The following IL1R1 variants were observed in gnomAD, a reference collection of about 807,000 sequenced individuals.
The protein encoded by IL1R1 is interleukin 1 receptor type 1.
Under a neutral mutation model 50.2 loss-of-function variants are expected in IL1R1, and 22 were observed. The ratio of observed to expected loss-of-function variants is 0.44; its 90% CI spans 0.31 to 0.63. The LOEUF (loss-of-function observed/expected upper bound fraction) is 0.63, where lower values mean the gene tolerates loss of function less well. IL1R1 is among the 20% of genes least tolerant of loss of function. The pLI is 0.07. For synonymous variants in IL1R1, 251 were observed against 236.7 expected, an observed-to-expected ratio of 1.06 and a Z score of -0.55; for missense variants, 509 against 676.2, an observed-to-expected ratio of 0.75 and a Z score of 2.74.
upstream of IL1R1, among the ~76,000 whole-genome samples, chr2:102,140,193 A>G (rs1577936535): frequency 6.6e-6 from 1 of 152,192 alleles, no homozygotes; most frequent in South Asian, 2.1e-4. Context: ...AACATAAAAT[A>G]CTTCTTCTTT....
chr2:102,169,350 A>G (rs1396173274), intron 7 of IL1R1, among the ~76,000 whole-genome samples: 2 of 152,254 alleles, frequency 1.3e-5, no homozygotes, highest in African/African-American at 4.8e-5. Context: ...GCATGGAGTT[A>G]TGGACATGTA....
upstream of IL1R1, among the ~76,000 whole-genome samples, chr2:102,139,888 TA>T (rs530200681): frequency 3.0e-4 from 45 of 152,212 alleles, no homozygotes; most frequent in South Asian, 9.3e-3. Flanking sequence ...CAGTTTCAGG[TA>T]TTTTTTTATA....
At chr2:102,109,316 T>C (rs1680610013) in intron 1 of IL1R1, among the ~76,000 whole-genome samples, 2 of 152,182 alleles carry the variant, frequency 1.3e-5, no homozygotes, top group South Asian at 4.1e-4. Flanking sequence ...ACATGCACTC[T>C]TCTGGGTTCT....
At chr2:102,116,300 A>G (rs901635504) in intron 1 of IL1R1, among the ~76,000 whole-genome samples, 3 of 152,202 alleles carry the variant, frequency 2.0e-5, no homozygotes, top group African/African-American at 7.2e-5. Context: ...ATAACAGTGA[A>G]CCCTGGAGAT....
At chr2:102,083,642 G>A (rs1049532830) in intron 1 of IL1R1, among the ~76,000 whole-genome samples, 3 of 152,068 alleles carry the variant, frequency 2.0e-5, no homozygotes, top group African/African-American at 4.8e-5. Flanking sequence ...CTGTGCTAAT[G>A]CTTTTTAAAA....
intron 1 of IL1R1, among the ~76,000 whole-genome samples, chr2:102,088,267 T>G (rs1431158177): frequency 2.0e-5 from 3 of 152,248 alleles, no homozygotes; most frequent in Non-Finnish European, 4.4e-5. Flanking sequence ...ATGTATTTCT[T>G]AAATAATAAG....
chr2:102,173,562 T>A (rs906779355), intron 9 of IL1R1, among the ~76,000 whole-genome samples: 17 of 152,188 alleles, frequency 1.1e-4, no homozygotes, highest in Admixed American at 6.5e-4. Flanking sequence ...AAAACCTCTG[T>A]AATACAAACT....
intron 1 of IL1R1, among the ~76,000 whole-genome samples, chr2:102,144,163 A>G (rs556197420): frequency 1.4e-4 from 21 of 152,146 alleles, no homozygotes; most frequent in Non-Finnish European, 2.8e-4. Flanking sequence ...ATCTCATTTG[A>G]TATTTCATTT....
chr2:102,128,281 C>T (rs1681836399), intron 1 of IL1R1, among the ~76,000 whole-genome samples: 1 of 152,152 alleles, frequency 6.6e-6, no homozygotes, highest in African/African-American at 2.4e-5. Flanking sequence ...AATGAAGCTC[C>T]AGTAACATTT....
upstream of IL1R1, among the ~76,000 whole-genome samples, chr2:102,138,358 A>C (rs138992150): frequency 6.6e-5 from 10 of 152,364 alleles, no homozygotes; most frequent in East Asian, 1.7e-3. Context: ...AGCAAGATTC[A>C]AGCTGCAATT....
At chr2:102,131,640 G>A (rs1366913784) in intron 1 of IL1R1, among the ~76,000 whole-genome samples, 1 of 79,786 alleles carries the variant, frequency 1.3e-5, no homozygotes, top group Admixed American at 1.4e-4. Flanking sequence ...CATAACAATA[G>A]AAACTATAAA....
chr2:102,072,596 T>C (rs1285648177), intron 1 of IL1R1, among the ~76,000 whole-genome samples: 2 of 152,230 alleles, frequency 1.3e-5, no homozygotes, highest in African/African-American at 4.8e-5. Context: ...TTTTTGCTTA[T>C]TGCTTTTTGC....
At chr2:102,108,081 T>G (rs1680519903) in intron 1 of IL1R1, among the ~76,000 whole-genome samples, 1 of 152,082 alleles carries the variant, frequency 6.6e-6, no homozygotes, top group Admixed American at 6.6e-5. Flanking sequence ...AAAGCAAAAA[T>G]GCAAAATGGT....
At position 102,174,808 on chromosome 2, in the gene IL1R1, G is replaced by GT. The variant is rs3917316; in HGVS notation, c.1135+83dup. On this transcript the variant is annotated intron_variant, in intron 10 of 11. Transcript: ENST00000410023. ...GGAGATGTAGAAGATGACTAAGAGG[G>GT]TTTTTACTAAGAGGGTTTCTAAAAT... is the stretch of plus-strand genomic sequence containing the variant. 3.1e-3 allele frequency: 3,702 copies of GT among 1,207,052 alleles called. 100 individuals are homozygous for GT. In the African/African-American group the frequency reaches 0.051, roughly 17 times the overall value. 74.8% of individuals were successfully genotyped at this position (1,207,052 alleles called of 1,614,324 possible). A position where few individuals can be genotyped will look rare whatever the true frequency, so the allele number is the denominator to read the frequency against.
chr2:102,161,913 G>A (rs1684764820), intron 3 of IL1R1, among the ~76,000 whole-genome samples: 1 of 151,964 alleles, frequency 6.6e-6, no homozygotes, highest in Non-Finnish European at 1.5e-5. Flanking sequence ...TGTTGGCCAG[G>A]CTGGTCTCAA....
At chr2:102,155,134 G>A (rs1460926289) in intron 2 of IL1R1, among the ~76,000 whole-genome samples, 1 of 152,256 alleles carries the variant, frequency 6.6e-6, no homozygotes, top group Non-Finnish European at 1.5e-5. Context: ...ATAAAGACAT[G>A]AATGGTTAAC....
intron 10 of IL1R1, among the ~76,000 whole-genome samples, chr2:102,175,271 A>T (rs1686026516): frequency 6.6e-6 from 1 of 152,212 alleles, no homozygotes; most frequent in African/African-American, 2.4e-5. Flanking sequence ...ATAGAAGAAC[A>T]AATTTGCAGT....
chr2:102,078,787 A>G (rs1228236647), intron 1 of IL1R1, among the ~76,000 whole-genome samples: 4 of 152,164 alleles, frequency 2.6e-5, no homozygotes, highest in African/African-American at 7.2e-5. Flanking sequence ...AAAACATCAT[A>G]TGAAAAGTAA....
rs1472224288 is a variant in IL1R1 at position 102,160,567 on chromosome 2, G to A, written c.61+2782G>A. On this transcript the variant is annotated intron_variant, in intron 3 of 11. Transcript: ENST00000410023. ...ACAGCTTACAGCTTGCCCTTCATGT[G>A]AGACTGCTTGACCCAAGATGGTACC... 9.1e-4 allele frequency among the ~76,000 whole-genome samples: 139 copies of A among 152,070 alleles called. 4 individuals carry two copies. The highest frequency in any genetic ancestry group is 9.0e-3 in the Admixed American group (138 of 15,260).
Sources: allele counts gnomAD v4.1 joint callset (sites outside exome capture counted in the v4.1 genomes callset), GRCh38; gene constraint gnomAD v4.1.1; transcripts MANE v1.5; gene names NCBI Gene and HGNC (gene_info 2026-07-23, HGNC 2026-07-21).